ANO1: variants seen among roughly 807,000 people sequenced by gnomAD.
The protein encoded by ANO1 is anoctamin 1.
A neutral mutation model predicts 124.0 loss-of-function variants in ANO1; 59 were observed. The observed-to-expected ratio is 0.48, with a 90% confidence interval of 0.39 to 0.59. The LOEUF (loss-of-function observed/expected upper bound fraction) is 0.59, where lower values mean the gene tolerates loss of function less well. Among genes scored for constraint, ANO1 ranks in the 20% least tolerant of loss-of-function variants. The pLI is 0.00. For missense variants in ANO1, 1,059 were observed against 1,328.0 expected (o/e 0.80, Z 3.15); for synonymous variants, 529 against 532.0 (o/e 0.99, Z 0.08).
At chr11:70,008,105 A>G (rs1856526402) in intron 1 of ANO1, among the ~76,000 whole-genome samples, 1 of 138,492 alleles carries the variant, frequency 7.2e-6, no homozygotes, top group South Asian at 2.3e-4. Flanking sequence ...AAATCAGAGT[A>G]TTTGATTTTG....
At chr11:69,991,073 C>T (rs1856145522) in intron 1 of ANO1, among the ~76,000 whole-genome samples, 1 of 152,176 alleles carries the variant, frequency 6.6e-6, no homozygotes, top group South Asian at 2.1e-4. Context: ...CCGATGTTTT[C>T]CTCTAAGAGT....
rs1346097782 is a variant in ANO1 at position 70,165,582 on chromosome 11, G to A, written c.2051+12G>A. 6.2e-7 allele frequency: 1 copy of A among 1,606,298 alleles called. No homozygotes were observed. The highest frequency in any genetic ancestry group is 8.5e-7 in the Non-Finnish European group (1 of 1,175,904). On this transcript the variant is annotated intron_variant, in intron 20 of 25. Transcript: ENST00000355303. ...GAGATCGGCATCCCGTGAGTGTGCT[G>A]CAGCGGGTTAGAGCGGCAGGGGCGG...
chr11:70,132,568 T>A (rs2135528841), intron 11 of ANO1, among the ~76,000 whole-genome samples: 1 of 152,334 alleles, frequency 6.6e-6, no homozygotes, highest in South Asian at 2.1e-4. Context: ...GAGTTGGGAA[T>A]CGCCTGGGGT....
At chr11:70,019,889 G>A (rs1157304511) in intron 1 of ANO1, among the ~76,000 whole-genome samples, 1 of 152,234 alleles carries the variant, frequency 6.6e-6, no homozygotes, top group Admixed American at 6.5e-5. Context: ...TCATCTTCCT[G>A]GCTTCACCGG....
chr11:70,080,409 A>G (rs1188958977), intron 1 of ANO1, among the ~76,000 whole-genome samples: 1 of 152,208 alleles, frequency 6.6e-6, no homozygotes, highest in Admixed American at 6.5e-5. Context: ...GAGTCTTTCA[A>G]AAACATTGCA....
At chr11:70,099,541 G>A (rs746214195) in intron 2 of ANO1, among the ~76,000 whole-genome samples, 28 of 152,158 alleles carry the variant, frequency 1.8e-4, no homozygotes, top group Non-Finnish European at 2.4e-4. Context: ...TCTCCCACAC[G>A]TGGGCTGTCT....
At chr11:70,145,109 G>A (rs965143352) in intron 11 of ANO1, among the ~76,000 whole-genome samples, 5 of 152,210 alleles carry the variant, frequency 3.3e-5, no homozygotes, top group African/African-American at 1.2e-4. Context: ...AGGAGCAGGA[G>A]AATTACTTGA....
chr11:70,148,170 G>T (rs1011657113), intron 11 of ANO1, among the ~76,000 whole-genome samples: 1 of 152,074 alleles, frequency 6.6e-6, no homozygotes, highest in Non-Finnish European at 1.5e-5. Flanking sequence ...CCACATTTGT[G>T]AATTCACTCT....
intron 11 of ANO1, 39 bp from the exon 12 acceptor site, chr11:70,149,671 T>C: frequency 1.9e-6 from 3 of 1,586,762 alleles, no homozygotes; most frequent in Non-Finnish European, 2.6e-6. Context: ...AAAAATGCCT[T>C]TATGTCATCA....
chr11:70,001,530 A>G (rs2015337), intron 1 of ANO1, among the ~76,000 whole-genome samples: 110,068 of 152,028 alleles, frequency 0.72, 40,517 homozygotes, highest in East Asian at 0.97. Flanking sequence ...CCCAGCAACC[A>G]CAGTGACTCT....
At chr11:70,143,523 T>G (rs1590846892) in intron 11 of ANO1, among the ~76,000 whole-genome samples, 4 of 152,086 alleles carry the variant, frequency 2.6e-5, no homozygotes, top group Admixed American at 2.6e-4. Context: ...GAGGGGTCGG[T>G]ACTTCCAGAT....
At chr11:70,061,156 G>A (rs1253283711) in intron 1 of ANO1, among the ~76,000 whole-genome samples, 3 of 152,074 alleles carry the variant, frequency 2.0e-5, no homozygotes, top group South Asian at 2.1e-4. Context: ...GATAGGTAAC[G>A]CTAGGGGAAG....
intron 10 of ANO1, among the ~76,000 whole-genome samples, chr11:70,130,759 C>A (rs1266019725): frequency 6.6e-6 from 1 of 152,184 alleles, no homozygotes; most frequent in African/African-American, 2.4e-5. Context: ...CGGGACCCAT[C>A]ATCCCTGGCA....
intron 13 of ANO1, 35 bp downstream of exon 13, chr11:70,152,496 C>T (rs2047645197): frequency 6.2e-7 from 1 of 1,606,650 alleles, no homozygotes; most frequent in African/African-American, 1.3e-5. Context: ...TATCTTCCCA[C>T]AGCCTATCTC....
At chr11:70,047,080 C>CAAA (rs10660510) in intron 1 of ANO1, among the ~76,000 whole-genome samples, 21 of 73,844 alleles carry the variant, frequency 2.8e-4, no homozygotes, top group Non-Finnish European at 4.2e-4. Context: ...GACTCTGTCT[C>CAAA]AAAAAAAAAA....
intron 1 of ANO1, among the ~76,000 whole-genome samples, chr11:70,047,262 T>C (rs1341165121): frequency 6.6e-6 from 1 of 152,096 alleles, no homozygotes; most frequent in Non-Finnish European, 1.5e-5. Flanking sequence ...TGTAAGATGT[T>C]GACAATAAAG....
chr11:70,117,416 C>G (rs1383302599), intron 8 of ANO1, among the ~76,000 whole-genome samples: 2 of 152,112 alleles, frequency 1.3e-5, no homozygotes, highest in Non-Finnish European at 2.9e-5. Flanking sequence ...CCTCACTCCC[C>G]AAAGCGTTGG....
chr11:70,038,085 T>C (rs541844494), intron 1 of ANO1, among the ~76,000 whole-genome samples: 10 of 152,252 alleles, frequency 6.6e-5, no homozygotes, highest in Admixed American at 5.9e-4. Context: ...AATGGAGAAG[T>C]TCTTCTTCAA....
the ANO1 span, among the ~76,000 whole-genome samples, chr11:69,979,260 A>G: frequency 5.3e-5 from 8 of 152,208 alleles, no homozygotes; most frequent in African/African-American, 1.9e-4. Flanking sequence ...TGCTCCTGGT[A>G]ATAACATTTT....
Sources: gnomAD v4.1 joint callset for allele counts (sites outside exome capture counted in the v4.1 genomes callset) on GRCh38, gnomAD v4.1.1 for gene constraint, MANE v1.5 for transcripts, NCBI Gene and HGNC (gene_info 2026-07-23, HGNC 2026-07-21) for gene names.